Variants in CNTNAP2 observed in about 807,000 individuals in gnomAD.
CNTNAP2 encodes the protein contactin-associated protein-like 2.
CNTNAP2 carries 98 observed loss-of-function variants against 155.2 expected under a neutral mutation model. The ratio of observed to expected loss-of-function variants is 0.63; its 90% CI spans 0.54 to 0.75. The LOEUF (loss-of-function observed/expected upper bound fraction) is 0.75, where lower values mean the gene tolerates loss of function less well. CNTNAP2 is among the 30% of genes least tolerant of loss of function. CNTNAP2 has a pLI of 0.00. For synonymous variants in CNTNAP2, 651 were observed against 631.2 expected (o/e 1.03, Z -0.47); for missense variants, 1,727 against 1,688.1 (o/e 1.02, Z -0.40).
At chr7:146,305,986 T>G (rs1800704221) in intron 1 of CNTNAP2, among the ~76,000 whole-genome samples, 1 of 151,466 alleles carries the variant, frequency 6.6e-6, no homozygotes, top group African/African-American at 2.4e-5. Context: ...TAAACAAAAT[T>G]GATAGACCGC....
chr7:147,937,163 T>C (rs1179951481), intron 14 of CNTNAP2, among the ~76,000 whole-genome samples: 1 of 152,144 alleles, frequency 6.6e-6, no homozygotes, highest in African/African-American at 2.4e-5. Context: ...CAGTCAGTCT[T>C]GGCTGGGTTG....
chr7:147,482,718 CTCAA>C (rs1394496679), intron 10 of CNTNAP2, among the ~76,000 whole-genome samples: 4 of 121,900 alleles, frequency 3.3e-5, no homozygotes, highest in African/African-American at 1.3e-4. Context: ...GAGATTCCGT[CTCAA>C]TAAATAAATA....
At chr7:148,390,188 C>G (rs1799315161) in intron 22 of CNTNAP2, among the ~76,000 whole-genome samples, 1 of 152,160 alleles carries the variant, frequency 6.6e-6, no homozygotes, top group African/African-American at 2.4e-5. Context: ...GCAAAGAGAC[C>G]AGGCTCTCCG....
At chr7:147,557,062 G>C (rs1320027777) in intron 11 of CNTNAP2, among the ~76,000 whole-genome samples, 2 of 151,996 alleles carry the variant, frequency 1.3e-5, no homozygotes, top group Admixed American at 1.3e-4. Flanking sequence ...TCAGGATTTT[G>C]AGACCAGCTT....
chr7:147,306,543 T>C (rs1235435291), intron 9 of CNTNAP2, among the ~76,000 whole-genome samples: 4 of 152,196 alleles, frequency 2.6e-5, no homozygotes, highest in African/African-American at 9.7e-5. Flanking sequence ...CTGATAAATA[T>C]TGGAAAGCTT....
intron 3 of CNTNAP2, among the ~76,000 whole-genome samples, chr7:146,904,616 C>T (rs111491408): frequency 2.0e-5 from 3 of 152,078 alleles, no homozygotes; most frequent in Non-Finnish European, 2.9e-5. Flanking sequence ...GGACTACAGG[C>T]ACCCGCCACC....
chr7:146,400,828 A>C (rs1466722845), intron 1 of CNTNAP2, among the ~76,000 whole-genome samples: 2 of 152,214 alleles, frequency 1.3e-5, no homozygotes, highest in Non-Finnish European at 2.9e-5. Context: ...ACCTTTGGGC[A>C]CAGGCATCTG....
intron 17 of CNTNAP2, among the ~76,000 whole-genome samples, chr7:148,163,021 A>G (rs997155706): frequency 3.3e-5 from 5 of 152,244 alleles, no homozygotes; most frequent in Admixed American, 2.6e-4. Context: ...AATATAAGAC[A>G]ATGTTCTGGC....
intron 2 of CNTNAP2, among the ~76,000 whole-genome samples, chr7:146,779,819 A>G (rs990052688): frequency 1.3e-5 from 2 of 152,114 alleles, no homozygotes; most frequent in African/African-American, 4.8e-5. Flanking sequence ...GTTTTCCTCT[A>G]TTTCCTTCAG....
chr7:147,158,487 T>G (rs1003856167), intron 8 of CNTNAP2, among the ~76,000 whole-genome samples: 1 of 152,122 alleles, frequency 6.6e-6, no homozygotes, highest in Non-Finnish European at 1.5e-5. Context: ...GAAAAGGAAC[T>G]ACTTTTTTCA....
chr7:147,891,645 T>C (rs1288352576), intron 13 of CNTNAP2, among the ~76,000 whole-genome samples: 2 of 152,134 alleles, frequency 1.3e-5, no homozygotes, highest in South Asian at 2.1e-4. Flanking sequence ...AATATTTAAA[T>C]GCAAAGAGCA....
intron 21 of CNTNAP2, among the ~76,000 whole-genome samples, chr7:148,301,796 G>T (rs1323335001): frequency 1.3e-5 from 2 of 152,168 alleles, no homozygotes; most frequent in Non-Finnish European, 2.9e-5. Flanking sequence ...AAGAAGATGA[G>T]CCTGTTGGTG....
At chr7:146,878,285 G>A (rs1456702271) in intron 3 of CNTNAP2, among the ~76,000 whole-genome samples, 2 of 151,646 alleles carry the variant, frequency 1.3e-5, no homozygotes, top group East Asian at 3.9e-4. Context: ...TTGGCCAGTG[G>A]CAAACCCTGG....
chr7:147,106,417 T>G (rs376984231), intron 4 of CNTNAP2, among the ~76,000 whole-genome samples: 41 of 152,246 alleles, frequency 2.7e-4, no homozygotes, highest in African/African-American at 9.4e-4. Context: ...GGCTTTGCAG[T>G]GTTAGCAGAA....
chr7:147,301,090 G>C (rs548675929), intron 9 of CNTNAP2, among the ~76,000 whole-genome samples: 1 of 152,242 alleles, frequency 6.6e-6, no homozygotes, highest in East Asian at 1.9e-4. Context: ...GATTTCACAA[G>C]GGCATGATTA....
chr7:148,391,599 C>T (rs1212122099), intron 22 of CNTNAP2, among the ~76,000 whole-genome samples: 1 of 152,116 alleles, frequency 6.6e-6, no homozygotes, highest in Non-Finnish European at 1.5e-5. Context: ...GAAAAAGTAA[C>T]CCCCAGCCCT....
chr7:146,856,289 GATAGATAGATACATAC>G (rs1157886832), intron 3 of CNTNAP2, among the ~76,000 whole-genome samples: 44 of 64,406 alleles, frequency 6.8e-4, no homozygotes, highest in Middle Eastern at 0.015. Flanking sequence ...TAGATAGATA[GATAGATAGATACATAC>G]ATACATACAT....
intron 1 of CNTNAP2, among the ~76,000 whole-genome samples, chr7:146,155,320 G>A (rs77998640): frequency 0.017 from 2,512 of 152,214 alleles, 37 homozygotes; most frequent in Non-Finnish European, 0.026. Flanking sequence ...CTTCCCCAAA[G>A]GACTGTGCAG....
intron 1 of CNTNAP2, among the ~76,000 whole-genome samples, chr7:146,630,410 T>C (rs1242198994): frequency 6.6e-6 from 1 of 150,674 alleles, no homozygotes; most frequent in African/African-American, 2.4e-5. Context: ...TGGTTCCAAG[T>C]CTTTGCTATT....
Sources: allele counts gnomAD v4.1 joint callset (sites outside exome capture counted in the v4.1 genomes callset), GRCh38; gene constraint gnomAD v4.1.1; transcripts MANE v1.5; gene names NCBI Gene and HGNC (gene_info 2026-07-23, HGNC 2026-07-21).